TRIP11: variants seen among roughly 807,000 people sequenced by gnomAD.
TRIP11 encodes the protein thyroid hormone receptor interactor 11.
In TRIP11, 148 loss-of-function variants were observed where a neutral mutation model predicts 223.1. That is an observed-to-expected ratio of 0.66 (90% CI 0.58 to 0.76). TRIP11 has a LOEUF of 0.76. Among genes scored for constraint, TRIP11 ranks in the 30% least tolerant of loss-of-function variants. The probability of loss-of-function intolerance (pLI) is 0.00; values close to 1 mark genes in which losing one functional copy is unlikely to be tolerated. For synonymous variants in TRIP11, 762 were observed against 772.6 expected (o/e 0.99, Z 0.23); for missense variants, 2,043 against 2,222.0 (o/e 0.92, Z 1.62).
chr14:92,007,847 T>C lies in TRIP11; in HGVS notation c.1320A>G (p.Glu440=). 3 of 1,606,096 alleles carry C rather than the reference T, an allele frequency of 1.9e-6. No homozygotes were observed. The highest frequency in any genetic ancestry group is 2.6e-6 in the Non-Finnish European group (3 of 1,175,750). The change falls in exon 10 of 21, where the codon GAA becomes GAG. Residue 440 remains glutamate (E), a synonymous_variant. Transcript: ENST00000267622. ...TCAATTTTAAAAGTGACATCTGAAG[T>C]TCTTCCTGAAATGATAAAAGGAAAA... is the stretch of plus-strand genomic sequence containing the variant. ...EKSLLSQEKE[E]LQMSLLKLNN... is the part of the protein sequence containing the mutation.
At chr14:92,030,965 AC>A (rs2057257476) in intron 2 of TRIP11, among the ~76,000 whole-genome samples, 1 of 137,618 alleles carries the variant, frequency 7.3e-6, no homozygotes, top group African/African-American at 2.9e-5. Context: ...ACAATCAAGA[AC>A]CAGGCTGGGC....
intron 2 of TRIP11, among the ~76,000 whole-genome samples, chr14:92,025,866 G>A (rs1225804658): frequency 7.1e-6 from 1 of 141,128 alleles, no homozygotes; most frequent in Non-Finnish European, 1.5e-5. Flanking sequence ...GTGACAGAGC[G>A]AGACTCCGTC....
chr14:91,988,532 T>C, intron 15 of TRIP11, 149 bp from the exon 16 acceptor site: 1 of 655,044 alleles, frequency 1.5e-6, no homozygotes, highest in Non-Finnish European at 2.7e-6. Flanking sequence ...CCAATAAGTA[T>C]CAAAGGCAGA....
rs763639961 is a variant in TRIP11 at position 92,003,513 on chromosome 14, T to C, written c.4463A>G (p.Lys1488Arg). Residue 1488 changes from lysine to arginine, a missense_variant, in exon 11 of 21, where the codon AAG becomes AGG. Transcript: ENST00000267622. ...TTTTTCTCGCAGCATCATAGAAAAC[T>C]TCATGTTAGTCTCTTGTAACGCTTG... ...EYQALQETNM[K>R]FSMMLREKEF... is the part of the protein sequence containing the mutation. The C allele has an allele frequency of 5.6e-6, 9 of 1,614,156 alleles. No homozygotes were observed. Among genetic ancestry groups the C allele is most frequent in the South Asian group, 2.2e-5 (2 of 91,086 alleles).
rs755930403 is a variant in TRIP11 at position 91,975,174 on chromosome 14, G to C, written c.5455C>G (p.Gln1819Glu). ...GATGGCTTTCATCGTCCAGTCACCT[G>C]CTCCATCTCCTCCCTTCTGACGCCC... ...ILGVRREEME[Q>E]LFHDDQGGVT... The change falls in exon 18 of 21, where the codon CAG becomes GAG. Residue 1819 changes from glutamine to glutamate, a missense_variant and splice_region_variant. Gln to Glu is a conservative substitution (Grantham distance 29, BLOSUM62 2). Coordinates refer to ENST00000267622, the MANE Select transcript of TRIP11 (RefSeq NM_004239.4). 3 of 1,612,520 alleles carry C rather than the reference G, an allele frequency of 1.9e-6. No individual in the cohort carries two copies. Among genetic ancestry groups the C allele is most frequent in the African/African-American group, 2.7e-5 (2 of 74,966 alleles).
intron 3 of TRIP11, among the ~76,000 whole-genome samples, chr14:92,022,944 G>A (rs1038229799): frequency 6.6e-6 from 1 of 152,084 alleles, no homozygotes; most frequent in Non-Finnish European, 1.5e-5. Context: ...ATCACAATGA[G>A]GGCCGCACAT....
Position 92,005,862 on chromosome 14 carries a change from A to G in TRIP11, c.2114T>C (p.Leu705Pro). The change falls in exon 11 of 21, where the codon CTG becomes CCG. Residue 705 changes from leucine (L) to proline (P), a missense_variant. Physicochemically the swap from Leu to Pro is moderately conservative, Grantham distance 98 (BLOSUM62 -3). Coordinates refer to ENST00000267622, the MANE Select transcript of TRIP11 (RefSeq NM_004239.4). ...AGTCTCCACAATAGTGTTTTTTTCC[A>G]GAGAAAGCTGATTGTTACCAGCAAG... ...ECLAGNNQLS[L>P]EKNTIVETLK... 2 of 1,614,010 alleles carry G rather than the reference A, an allele frequency of 1.2e-6. No individual in the cohort carries two copies. Among genetic ancestry groups the G allele is most frequent in the South Asian group, 1.1e-5 (1 of 91,078 alleles).
chr14:91,995,273 T>C (rs1394218841), intron 14 of TRIP11, 79 bp downstream of exon 14: 11 of 1,567,954 alleles, frequency 7.0e-6, no homozygotes, highest in South Asian at 1.1e-5. Context: ...CCGTGCCTCA[T>C]CTAAAATAGC....
intron 18 of TRIP11, 121 bp from the exon 19 acceptor site, chr14:91,974,864 A>G: frequency 1.2e-6 from 1 of 836,246 alleles, no homozygotes; most frequent in Non-Finnish European, 1.9e-6. Context: ...AGTCCTAGTA[A>G]ATGTTTCCTA....
chr14:92,019,796 A>C (rs1419960823), intron 4 of TRIP11, among the ~76,000 whole-genome samples: 2 of 152,238 alleles, frequency 1.3e-5, no homozygotes, highest in African/African-American at 4.8e-5. Flanking sequence ...AATTCCACAC[A>C]TAAATATTTA....
intron 3 of TRIP11, 56 bp from the exon 4 acceptor site, chr14:92,021,887 T>C (rs1288637098): frequency 6.4e-7 from 1 of 1,569,936 alleles, no homozygotes; most frequent in Non-Finnish European, 8.7e-7. Flanking sequence ...TCATATTGAC[T>C]TTTTATAGAT....
At position 91,995,493 on chromosome 14, in the gene TRIP11, C is replaced by T. The variant is rs756200729; in HGVS notation, c.4915G>A (p.Glu1639Lys). ...ACATTCAACTGTTCTTGCAATGACT[C>T]TACCTGCACACTGGCTTGATGGCTT... ...NASHQASVQVESLQEQLNVVS... is the reference protein window; with the variant it reads ...NASHQASVQVKSLQEQLNVVS... Residue 1639 changes from glutamate to lysine, a missense_variant, in exon 14 of 21, where the codon GAG becomes AAG. Coordinates refer to ENST00000267622, the MANE Select transcript of TRIP11 (RefSeq NM_004239.4). 7.4e-6 allele frequency: 12 copies of T among 1,614,110 alleles called. No individual in the cohort carries two copies. Among genetic ancestry groups the T allele is most frequent in the South Asian group, 4.4e-5 (4 of 91,080 alleles).
chr14:91,967,418 C>T lies in TRIP11; in HGVS notation c.*2255G>A, dbSNP rs376503013. The T allele has an allele frequency of 7.1e-5, 13 of 182,126 alleles. No homozygotes were observed. The highest frequency in any genetic ancestry group is 5.6e-4 in the Admixed American group (9 of 15,986). 11.3% of individuals were successfully genotyped at this position (182,126 alleles called of 1,614,324 possible). A position where few individuals can be genotyped will look rare whatever the true frequency, so the allele number is the denominator to read the frequency against. ...CCTCCCAAAGTTCTGGGATTACAGGCGTGAGCCACTGTGCCCGGCCAGTAT... is the reference window on the plus strand; with the variant it reads ...CCTCCCAAAGTTCTGGGATTACAGGTGTGAGCCACTGTGCCCGGCCAGTAT... On this transcript the variant is annotated 3_prime_UTR_variant, in exon 21 of 21. Transcript: ENST00000267622.
At chr14:91,991,974 T>C (rs966091689) in intron 15 of TRIP11, among the ~76,000 whole-genome samples, 9 of 149,482 alleles carry the variant, frequency 6.0e-5, no homozygotes, top group Admixed American at 2.7e-4. Flanking sequence ...TCTCAGCTAC[T>C]TGGGAGGCTG....
chr14:91,997,814 A>C (rs866451091), intron 13 of TRIP11, among the ~76,000 whole-genome samples: 1 of 152,160 alleles, frequency 6.6e-6, no homozygotes, highest in African/African-American at 2.4e-5. Context: ...TAAAAAGATC[A>C]CACCTCTATG....
At chr14:91,974,321 C>T (rs961559467) in intron 19 of TRIP11, among the ~76,000 whole-genome samples, 1 of 152,206 alleles carries the variant, frequency 6.6e-6, no homozygotes, top group African/African-American at 2.4e-5. Context: ...AATAAATCCT[C>T]TATCTTGCTA....
chr14:91,993,549 C>T (rs1414431504), intron 15 of TRIP11, among the ~76,000 whole-genome samples: 1 of 143,716 alleles, frequency 7.0e-6, no homozygotes, highest in Non-Finnish European at 1.5e-5. Context: ...TGTTTTTTCC[C>T]CGGAGACCTC....
chr14:92,013,272 A>C (rs72707303), intron 7 of TRIP11, among the ~76,000 whole-genome samples: 2,332 of 152,328 alleles, frequency 0.015, 29 homozygotes, highest in Non-Finnish European at 0.027. Context: ...GTCTCAAAAA[A>C]ACAAACAAAA....
intron 14 of TRIP11, 56 bp downstream of exon 14, chr14:91,995,296 C>A: frequency 1.9e-6 from 3 of 1,606,546 alleles, no homozygotes; most frequent in Non-Finnish European, 2.5e-6. Flanking sequence ...TCAAATTAGG[C>A]AAAATTACCA....
Sources: gnomAD v4.1 joint callset for allele counts (sites outside exome capture counted in the v4.1 genomes callset) on GRCh38, gnomAD v4.1.1 for gene constraint, MANE v1.5 for transcripts, NCBI Gene and HGNC (gene_info 2026-07-23, HGNC 2026-07-21) for gene names.